The following NRXN3 variants were observed in gnomAD, a reference collection of about 807,000 sequenced individuals.
NRXN3 encodes neurexin 3, also known as neurexin III.
NRXN3 carries 32 observed loss-of-function variants against 137.6 expected under a neutral mutation model. The ratio of observed to expected loss-of-function variants is 0.23; its 90% CI spans 0.18 to 0.31. NRXN3 has a LOEUF of 0.31. Ranked by LOEUF, NRXN3 falls within the 10% of genes least tolerant of loss-of-function variation. The pLI is 1.00. For missense variants in NRXN3, 1,574 were observed against 2,062.5 expected (o/e 0.76, Z 4.59); for synonymous variants, 798 against 784.5 (o/e 1.02, Z -0.29).
At chr14:78,400,413 C>T (rs1349251066) in intron 4 of NRXN3, among the ~76,000 whole-genome samples, 1 of 152,208 alleles carries the variant, frequency 6.6e-6, no homozygotes, top group Non-Finnish European at 1.5e-5. Flanking sequence ...ACTATTTTCT[C>T]TTCTTGAGCT....
At chr14:79,059,744 C>A (rs1042300804) in intron 15 of NRXN3, among the ~76,000 whole-genome samples, 3 of 152,142 alleles carry the variant, frequency 2.0e-5, no homozygotes, top group African/African-American at 7.2e-5. Flanking sequence ...TTTGTAAATT[C>A]TCATAACCCC....
intron 17 of NRXN3, among the ~76,000 whole-genome samples, chr14:79,691,320 A>C (rs1300600370): frequency 1.3e-5 from 2 of 152,034 alleles, no homozygotes. Context: ...CTTGTTCAGA[A>C]AGGTCCTCTT....
chr14:78,662,170 C>A (rs899987339), intron 6 of NRXN3, among the ~76,000 whole-genome samples: 3 of 151,876 alleles, frequency 2.0e-5, no homozygotes, highest in Non-Finnish European at 4.4e-5. Context: ...CTGCGCCAGG[C>A]CCAGAATAAG....
At chr14:78,302,443 A>G (rs1567206628) in intron 4 of NRXN3, among the ~76,000 whole-genome samples, 1 of 152,112 alleles carries the variant, frequency 6.6e-6, no homozygotes, top group East Asian at 1.9e-4. Context: ...AGAGTCAGAT[A>G]ACATAAGCCA....
chr14:79,525,984 G>A (rs1305940956), intron 16 of NRXN3, among the ~76,000 whole-genome samples: 1 of 151,968 alleles, frequency 6.6e-6, no homozygotes, highest in Admixed American at 6.6e-5. Context: ...TGGGCTCAAG[G>A]GATCCTCTCA....
At chr14:78,314,925 T>TTC (rs1445022437) in intron 4 of NRXN3, among the ~76,000 whole-genome samples, 1 of 120,752 alleles carries the variant, frequency 8.3e-6, no homozygotes, top group Admixed American at 7.9e-5. Flanking sequence ...CTTTCTTTCT[T>TTC]TCTTTCTTTC....
chr14:78,312,605 G>A (rs2078104898), intron 4 of NRXN3, among the ~76,000 whole-genome samples: 1 of 151,386 alleles, frequency 6.6e-6, no homozygotes, highest in South Asian at 2.1e-4. Flanking sequence ...TCAAGTGAGA[G>A]TGTATTTATC....
intron 19 of NRXN3, among the ~76,000 whole-genome samples, chr14:79,705,291 A>C (rs2098773071): frequency 6.6e-6 from 1 of 151,974 alleles, no homozygotes; most frequent in Admixed American, 6.6e-5. Flanking sequence ...CTAAAGCCAA[A>C]ATCCTTGCTG....
intron 15 of NRXN3, among the ~76,000 whole-genome samples, chr14:79,018,290 AAAAAAAGAGAG>A (rs2099583054): frequency 1.9e-4 from 8 of 42,130 alleles, no homozygotes; most frequent in African/African-American, 5.1e-4. Flanking sequence ...AAAAAAAAAA[AAAAAAAGAGAG>A]AGAGCAAGAA....
intron 10 of NRXN3, among the ~76,000 whole-genome samples, chr14:78,880,543 C>G (rs2152641688): frequency 6.6e-6 from 1 of 152,232 alleles, no homozygotes; most frequent in East Asian, 1.9e-4. Context: ...TTTTCCCACT[C>G]CCTGGCTTTC....
At chr14:78,347,549 A>G (rs1481344701) in intron 4 of NRXN3, among the ~76,000 whole-genome samples, 1 of 152,136 alleles carries the variant, frequency 6.6e-6, no homozygotes, top group Non-Finnish European at 1.5e-5. Flanking sequence ...TCCCATTTCC[A>G]GATAGCAAAA....
At chr14:78,584,349 C>T (rs1405943384) in intron 4 of NRXN3, among the ~76,000 whole-genome samples, 1 of 152,136 alleles carries the variant, frequency 6.6e-6, no homozygotes, top group African/African-American at 2.4e-5. Context: ...TGATGATCCT[C>T]CAAGTATTTG....
intron 15 of NRXN3, among the ~76,000 whole-genome samples, chr14:79,272,635 A>G (rs557851648): frequency 6.6e-6 from 1 of 152,152 alleles, no homozygotes; most frequent in African/African-American, 2.4e-5. Flanking sequence ...CCCAGAGCAG[A>G]TTAGGATCTT....
chr14:78,621,895 G>T (rs1177807352), intron 4 of NRXN3, among the ~76,000 whole-genome samples: 3 of 152,154 alleles, frequency 2.0e-5, no homozygotes, highest in Non-Finnish European at 4.4e-5. Context: ...CTAATAGGTA[G>T]TAAGCATATA....
intron 16 of NRXN3, among the ~76,000 whole-genome samples, chr14:79,485,137 T>C (rs541777036): frequency 1.3e-5 from 2 of 152,282 alleles, no homozygotes; most frequent in Non-Finnish European, 2.9e-5. Flanking sequence ...AATCTCTGAT[T>C]ACTTAGCAGT....
At chr14:78,394,420 A>T (rs938607542) in intron 4 of NRXN3, among the ~76,000 whole-genome samples, 24 of 151,852 alleles carry the variant, frequency 1.6e-4, no homozygotes, top group African/African-American at 5.8e-4. Flanking sequence ...CTTGGAGTAT[A>T]CCCCAGTTGG....
At chr14:78,620,953 G>A (rs1232799955) in intron 4 of NRXN3, among the ~76,000 whole-genome samples, 1 of 152,170 alleles carries the variant, frequency 6.6e-6, no homozygotes, top group Non-Finnish European at 1.5e-5. Flanking sequence ...TTGAGAGGAG[G>A]AATTATGATT....
chr14:79,076,744 G>T (rs2046044188), intron 15 of NRXN3, among the ~76,000 whole-genome samples: 1 of 152,222 alleles, frequency 6.6e-6, no homozygotes, highest in Non-Finnish European at 1.5e-5. Flanking sequence ...GGCTGAGACA[G>T]TTGGGAGCCA....
intron 15 of NRXN3, among the ~76,000 whole-genome samples, chr14:79,219,121 G>A (rs1235661901): frequency 6.6e-6 from 1 of 151,938 alleles, no homozygotes; most frequent in Non-Finnish European, 1.5e-5. Context: ...GATTTACATG[G>A]TGGGCACTCA....
Sources: gnomAD v4.1 joint callset for allele counts (sites outside exome capture counted in the v4.1 genomes callset) on GRCh38, gnomAD v4.1.1 for gene constraint, MANE v1.5 for transcripts, NCBI Gene and HGNC (gene_info 2026-07-23, HGNC 2026-07-21) for gene names.